Variants in CADPS2 observed in about 807,000 individuals in gnomAD.
The protein encoded by CADPS2 is calcium-dependent secretion activator 2.
CADPS2 carries 93 observed loss-of-function variants against 172.5 expected under a neutral mutation model. The ratio of observed to expected loss-of-function variants is 0.54; its 90% confidence interval spans 0.46 to 0.64. The LOEUF is 0.64. CADPS2 is among the 30% of genes least tolerant of loss of function. The pLI, the probability that CADPS2 is intolerant of heterozygous loss-of-function variation, is 0.00. For synonymous variants in CADPS2, 546 were observed against 555.2 expected, an observed-to-expected ratio of 0.98 and a Z score of 0.23; for missense variants, 1,420 against 1,565.9, an observed-to-expected ratio of 0.91 and a Z score of 1.57.
intron 2 of CADPS2, among the ~76,000 whole-genome samples, chr7:122,712,710 A>T (rs1041679374): frequency 6.6e-6 from 1 of 152,082 alleles, no homozygotes; most frequent in African/African-American, 2.4e-5. Context: ...AAGCAGTAGA[A>T]ATTTATTTTT....
At chr7:122,777,964 C>T (rs937626002) in intron 1 of CADPS2, among the ~76,000 whole-genome samples, 1 of 152,064 alleles carries the variant, frequency 6.6e-6, no homozygotes, top group Non-Finnish European at 1.5e-5. Context: ...GGGTAACAGG[C>T]AGAGGTTGGA....
At chr7:122,838,735 C>A (rs1809390508) in intron 1 of CADPS2, among the ~76,000 whole-genome samples, 1 of 152,086 alleles carries the variant, frequency 6.6e-6, no homozygotes, top group South Asian at 2.1e-4. Context: ...TATGAAGGAC[C>A]TCTTCAAGGA....
chr7:122,515,180 C>A (rs535126080), intron 8 of CADPS2, among the ~76,000 whole-genome samples: 1 of 152,270 alleles, frequency 6.6e-6, no homozygotes, highest in South Asian at 2.1e-4. Context: ...TTCTATTCAG[C>A]ATTTATGATA....
intron 1 of CADPS2, among the ~76,000 whole-genome samples, chr7:122,825,943 A>G (rs1226028472): frequency 6.6e-6 from 1 of 152,192 alleles, no homozygotes; most frequent in Non-Finnish European, 1.5e-5. Context: ...TAACATTAAT[A>G]CCAGGGTGGT....
At chr7:122,625,515 C>A in intron 4 of CADPS2, among the ~76,000 whole-genome samples, 1 of 152,192 alleles carries the variant, frequency 6.6e-6, no homozygotes, top group Admixed American at 6.5e-5. Flanking sequence ...AGGTCTCATT[C>A]ACTCAGCTGA....
At chr7:122,710,361 G>C (rs1386568533) in intron 2 of CADPS2, among the ~76,000 whole-genome samples, 1 of 152,086 alleles carries the variant, frequency 6.6e-6, no homozygotes, top group African/African-American at 2.4e-5. Flanking sequence ...CATGAGCATA[G>C]AGACATCACA....
At chr7:122,358,173 C>A (rs917215217) in intron 27 of CADPS2, among the ~76,000 whole-genome samples, 1 of 152,144 alleles carries the variant, frequency 6.6e-6, no homozygotes, top group African/African-American at 2.4e-5. Flanking sequence ...GCCATTCTAA[C>A]AAGTACATAG....
chr7:122,559,439 A>C (rs904675469), intron 7 of CADPS2, among the ~76,000 whole-genome samples: 3 of 152,016 alleles, frequency 2.0e-5, no homozygotes, highest in Non-Finnish European at 2.9e-5. Flanking sequence ...CACTCATTAC[A>C]TTTTCTGCCA....
At chr7:122,820,556 G>GTTTTTTTTT (rs551121404) in intron 1 of CADPS2, among the ~76,000 whole-genome samples, 23 of 86,530 alleles carry the variant, frequency 2.7e-4, no homozygotes, top group East Asian at 3.0e-4. Context: ...TTTGTTTTTT[G>GTTTTTTTTT]TTTTTTTTTT....
At position 122,545,666 on chromosome 7, in the gene CADPS2, T is replaced by C. The variant is rs528357837; in HGVS notation, c.1475+8884A>G. On this transcript the variant is annotated intron_variant, in intron 8 of 29. Transcript: ENST00000449022. ...TGTTAGGATGGAGACTGAATTAGGG[T>C]TGGCAGAAGGAATAAAAAGGGATTT... 2.7e-4 allele frequency among the ~76,000 whole-genome samples: 41 copies of C among 152,214 alleles called. No homozygotes were observed. The East Asian group carries it at 5.2e-3, about 19-fold the overall frequency.
chr7:122,772,083 G>T (rs927369662), intron 1 of CADPS2, among the ~76,000 whole-genome samples: 2 of 152,154 alleles, frequency 1.3e-5, no homozygotes, highest in African/African-American at 4.8e-5. Context: ...CACTTGACAT[G>T]GAGGAGTGAA....
At chr7:122,593,559 C>T (rs911260787) in intron 6 of CADPS2, among the ~76,000 whole-genome samples, 3 of 151,994 alleles carry the variant, frequency 2.0e-5, no homozygotes, top group Non-Finnish European at 4.4e-5. Context: ...AAGAGCACAG[C>T]ACATCTCATA....
chr7:122,395,152 C>T (rs537096752), intron 20 of CADPS2, among the ~76,000 whole-genome samples: 1 of 152,266 alleles, frequency 6.6e-6, no homozygotes, highest in African/African-American at 2.4e-5. Context: ...TGTCAAAGTA[C>T]ATGATGTTTA....
At chr7:122,335,288 C>T (rs1231257730) in intron 28 of CADPS2, among the ~76,000 whole-genome samples, 1 of 152,156 alleles carries the variant, frequency 6.6e-6, no homozygotes, top group Non-Finnish European at 1.5e-5. Context: ...CTCGCTCTGT[C>T]ACCCAGGCTG....
At chr7:122,702,592 T>A in intron 2 of CADPS2, 1 of 1,613,666 alleles carries the variant, frequency 6.2e-7, no homozygotes, top group Non-Finnish European at 8.5e-7. Flanking sequence ...CTAATTCCGA[T>A]GTGATCTCAT....
chr7:122,426,783 G>A (rs1293276660), intron 17 of CADPS2, among the ~76,000 whole-genome samples: 1 of 152,180 alleles, frequency 6.6e-6, no homozygotes, highest in Non-Finnish European at 1.5e-5. Context: ...CCAGTTAGTT[G>A]CTTTCAAATT....
At chr7:122,631,694 CTTT>C (rs61656656) in intron 3 of CADPS2, among the ~76,000 whole-genome samples, 1 of 149,624 alleles carries the variant, frequency 6.7e-6, no homozygotes, top group East Asian at 2.0e-4. Context: ...ATTGTCTTTT[CTTT>C]TTTTTTTAAT....
intron 2 of CADPS2, among the ~76,000 whole-genome samples, chr7:122,672,792 G>T (rs1162194590): frequency 6.6e-6 from 1 of 152,212 alleles, no homozygotes; most frequent in Non-Finnish European, 1.5e-5. Context: ...ATTCAGTGTG[G>T]CGTTTAGTAA....
intron 29 of CADPS2, among the ~76,000 whole-genome samples, chr7:122,322,238 T>C (rs1331077006): frequency 1.3e-5 from 2 of 152,256 alleles, no homozygotes; most frequent in East Asian, 1.9e-4. Flanking sequence ...AGTTCAACTT[T>C]CTTATTTTAT....
Sources: gnomAD v4.1 joint callset for allele counts (sites outside exome capture counted in the v4.1 genomes callset) on GRCh38, gnomAD v4.1.1 for gene constraint, MANE v1.5 for transcripts, NCBI Gene and HGNC (gene_info 2026-07-23, HGNC 2026-07-21) for gene names.